Variants in USH1C observed in about 807,000 individuals in gnomAD.
USH1C encodes harmonin.
In USH1C, 90 loss-of-function variants were observed where a neutral mutation model predicts 119.3. The ratio of observed to expected loss-of-function variants is 0.75; its 90% confidence interval spans 0.64 to 0.90. USH1C has a LOEUF of 0.90. Ranked by LOEUF, USH1C falls within the 40% of genes least tolerant of loss-of-function variation. The pLI is 0.00. For synonymous variants in USH1C, 465 were observed against 443.3 expected, an observed-to-expected ratio of 1.05 and a Z score of -0.62; for missense variants, 1,165 against 1,167.7, an observed-to-expected ratio of 1.00 and a Z score of 0.03.
intron 1 of USH1C, 193 bp from the exon 2 acceptor site, chr11:17,533,515 A>C: frequency 9.4e-6 from 6 of 639,608 alleles, no homozygotes; most frequent in East Asian, 2.9e-5. Context: ...GACCACCCCA[A>C]CGTGGCCACA....
rs1292489588 is a variant in USH1C at position 17,527,258 on chromosome 11, A to T, written c.461T>A (p.Ile154Asn). Residue 154 changes from isoleucine (I) to asparagine (N), a missense_variant, in exon 5 of 27, where the codon ATT (isoleucine) becomes AAT (asparagine). By Grantham distance (149) the Ile-to-Asn change is moderately radical (BLOSUM62 -3). Coordinates refer to ENST00000005226, the MANE Select transcript of USH1C (RefSeq NM_153676.4). ...GATGGACACAGTTTTCTTGGTTCGAATGAGGTTGATGACCTCCTCATGGGT... is the reference window on the plus strand; with the variant it reads ...GATGGACACAGTTTTCTTGGTTCGATTGAGGTTGATGACCTCCTCATGGGT... Reference protein sequence around the residue: ...SCTHEEVINLIRTKKTVSIKV... With the variant: ...SCTHEEVINLNRTKKTVSIKV... 6.2e-7 allele frequency: 1 copy of T among 1,611,088 alleles called. No individual in the cohort carries two copies.
intron 14 of USH1C, among the ~76,000 whole-genome samples, chr11:17,517,660 C>A (rs1171686553): frequency 6.6e-6 from 1 of 152,150 alleles, no homozygotes; most frequent in Admixed American, 6.5e-5. Context: ...CTGGTGCATA[C>A]AGTGTTTTCA....
In USH1C at chr11:17,500,993, G is replaced by A. The variant is rs1460198948; in HGVS notation, c.2380+58C>T. On this transcript the variant is annotated intron_variant, in intron 23 of 26. Coordinates refer to ENST00000005226, the MANE Select transcript of USH1C (RefSeq NM_153676.4). ...GTGGTCACCTGTTTGCTTTCCGGGA[G>A]GGCCCCGTCTAACCACTGTATCATC... The A allele has an allele frequency of 2.7e-6, 4 of 1,470,658 alleles. No homozygotes were observed. In the African/African-American group the frequency reaches 5.6e-5, roughly 20 times the overall value. The allele number at this position is 1,470,658 out of a possible 1,614,324, so 91.1% of individuals were successfully genotyped here.
chr11:17,496,653 C>T (rs1192871687), intron 25 of USH1C, 105 bp downstream of exon 25: 3 of 1,404,930 alleles, frequency 2.1e-6, no homozygotes, highest in Non-Finnish European at 3.0e-6. Context: ...CGTGCTTGGG[C>T]CATTCCTTCA....
intron 1 of USH1C, among the ~76,000 whole-genome samples, chr11:17,536,765 T>C (rs911031913): frequency 6.6e-6 from 1 of 152,250 alleles, no homozygotes; most frequent in African/African-American, 2.4e-5. Context: ...CACTGGAATC[T>C]CCTTGTCCTC....
rs776853133 is a variant in USH1C, at chr11:17,509,704, G to C, written c.1665C>G (p.Pro555=). The C allele has an allele frequency of 3.7e-6, 6 of 1,600,126 alleles. No homozygotes were observed. The highest frequency in any genetic ancestry group is 4.2e-6 in the Non-Finnish European group (5 of 1,179,306). Residue 555 remains proline (P), a synonymous_variant, in exon 18 of 27, where the codon CCC becomes CCG. Coordinates refer to ENST00000005226, the MANE Select transcript of USH1C (RefSeq NM_153676.4). The part of the protein sequence containing the change: ...DIPLDMFYYP[P]KTPSALPVMP... ...TCACAGGCAAGGCAGAGGGAGTCTT[G>C]GGGGGATAGTAGAACATGTCCAAAG... is the stretch of plus-strand genomic sequence containing the variant.
intron 18 of USH1C, among the ~76,000 whole-genome samples, chr11:17,506,163 C>CG (rs1849641427): frequency 6.6e-6 from 1 of 152,172 alleles, no homozygotes; most frequent in Non-Finnish European, 1.5e-5. Context: ...AACTACTGAG[C>CG]GGCTCTAAGA....
At chr11:17,496,718 G>A (rs777225342) in intron 25 of USH1C, 40 bp downstream of exon 25, 45 of 1,612,674 alleles carry the variant, frequency 2.8e-5, no homozygotes, top group Non-Finnish European at 3.6e-5. Flanking sequence ...TTCTGGAGAA[G>A]GAAGAAGAGG....
chr11:17,543,822 A>G (rs961045141), intron 1 of USH1C, among the ~76,000 whole-genome samples: 1 of 152,232 alleles, frequency 6.6e-6, no homozygotes, highest in African/African-American at 2.4e-5. Flanking sequence ...TTCTGAGGTC[A>G]AAAGGCAGAG....
intron 15 of USH1C, among the ~76,000 whole-genome samples, chr11:17,513,305 G>A (rs1849978494): frequency 1.3e-5 from 2 of 152,108 alleles, no homozygotes; most frequent in South Asian, 2.1e-4. Context: ...AATTTCTGGG[G>A]CAAGGAGGAA....
At chr11:17,535,463 C>T (rs1021692625) in intron 1 of USH1C, among the ~76,000 whole-genome samples, 4 of 152,072 alleles carry the variant, frequency 2.6e-5, no homozygotes, top group South Asian at 2.1e-4. Context: ...CTTCACAGAT[C>T]GACTACAATT....
chr11:17,541,075 C>A (rs1002561685), intron 1 of USH1C, among the ~76,000 whole-genome samples: 57 of 152,178 alleles, frequency 3.7e-4, no homozygotes, highest in African/African-American at 1.3e-3. Context: ...TTAGGGAATG[C>A]TCTTCTACAT....
chr11:17,509,356 C>T lies in USH1C; in HGVS notation c.2013G>A (p.Lys671=). ...VPEQSFPPTP[K]TFCPSPQPPR... is the part of the protein sequence containing the mutation. ...ATAGCATGCAGAACAGGGACATTAC[C>T]TTTGGGGTGGGTGGGAAGCTCTGTT... Residue 671 remains lysine (K), a splice_region_variant and synonymous_variant, in exon 18 of 27, where the codon AAG becomes AAA. Coordinates refer to ENST00000005226, the MANE Select transcript of USH1C (RefSeq NM_153676.4). The T allele has an allele frequency of 1.3e-6, 2 of 1,575,464 alleles. No homozygotes were observed. The highest frequency in any genetic ancestry group is 1.7e-6 in the Non-Finnish European group (2 of 1,156,202).
chr11:17,522,900 C>G lies in USH1C; in HGVS notation c.903G>C (p.Arg301=). ...GCTGCCGCGCCTCTGCCAGCCGCTC[C>G]CGGTCTGTCATGAACAGCTCCCGGC... ...AAGRELFMTD[R]ERLAEARQRE... The change falls in exon 12 of 27, where the codon CGG becomes CGC. Residue 301 remains arginine (R), a synonymous_variant. Coordinates refer to ENST00000005226, the MANE Select transcript of USH1C (RefSeq NM_153676.4). 1 of 1,612,794 alleles carries G rather than the reference C, an allele frequency of 6.2e-7. No individual in the cohort carries two copies. Among genetic ancestry groups the G allele is most frequent in the Non-Finnish European group, 8.5e-7 (1 of 1,179,536 alleles).
intron 4 of USH1C, among the ~76,000 whole-genome samples, chr11:17,528,738 C>T (rs900112151): frequency 5.3e-5 from 8 of 152,116 alleles, no homozygotes; most frequent in South Asian, 2.1e-4. Flanking sequence ...CCTCCCACTC[C>T]GGGACACAGA....
intron 17 of USH1C, among the ~76,000 whole-genome samples, 193 bp downstream of exon 17, chr11:17,510,212 G>T (rs1489154029): frequency 6.6e-6 from 1 of 152,194 alleles, no homozygotes; most frequent in Non-Finnish European, 1.5e-5. Context: ...ATCACTCTGG[G>T]AGTATACCCA....
In USH1C at chr11:17,531,370, T is replaced by G; in HGVS notation, c.248+29A>C. ...CGCCCAGGGTGATCTCTCCACCCCC[T>G]GCCTCCAGCCTGGTGGCTTCCTCTG... On this transcript the variant is annotated intron_variant, in intron 3 of 26. Transcript: ENST00000005226. The surrounding 1 kb of genome is among the most constrained non-coding windows in gnomAD (Gnocchi z 4.2). 6.2e-7 allele frequency: 1 copy of G among 1,613,718 alleles called. No homozygotes were observed. The highest frequency in any genetic ancestry group is 8.5e-7 in the Non-Finnish European group (1 of 1,179,810).
intron 15 of USH1C, among the ~76,000 whole-genome samples, 189 bp from the exon 16 acceptor site, chr11:17,512,243 G>A (rs1175443426): frequency 1.3e-5 from 2 of 152,070 alleles, no homozygotes; most frequent in Non-Finnish European, 2.9e-5. Context: ...TGCAGAGTGG[G>A]AGACACATTC....
chr11:17,533,190 T>C (rs1851063770), intron 2 of USH1C, 65 bp downstream of exon 2: 1 of 1,293,878 alleles, frequency 7.7e-7, no homozygotes, highest in Admixed American at 1.7e-5. Flanking sequence ...GAACAACCCA[T>C]CCCAGGGCTC....
Sources: gnomAD v4.1 joint callset for allele counts (sites outside exome capture counted in the v4.1 genomes callset) on GRCh38, gnomAD v4.1.1 for gene constraint, Gnocchi (gnomAD v3.1) non-coding constraint, MANE v1.5 for transcripts, NCBI Gene and HGNC (gene_info 2026-07-23, HGNC 2026-07-21) for gene names.